The following DNAH1 variants were observed in gnomAD, a reference collection of about 807,000 sequenced individuals.
DNAH1 encodes the protein dynein axonemal heavy chain 1, also known as axonemal beta dynein heavy chain 1.
In DNAH1, 327 loss-of-function variants were observed where a neutral mutation model predicts 484.3. The observed-to-expected ratio is 0.68, with a 90% confidence interval of 0.62 to 0.74. The LOEUF (loss-of-function observed/expected upper bound fraction) is 0.74, where lower values mean the gene tolerates loss of function less well. Ranked by LOEUF, DNAH1 falls within the 30% of genes least tolerant of loss-of-function variation. DNAH1 has a pLI of 0.00. For synonymous variants in DNAH1, 2,192 were observed against 2,191.9 expected (o/e 1.00, Z 0.00); for missense variants, 5,052 against 5,546.8 (o/e 0.91, Z 2.83).
At position 52,350,606 on chromosome 3, in the gene DNAH1, G is replaced by GC; in HGVS notation, c.2729+21dup. 6.2e-7 allele frequency: 1 copy of GC among 1,612,078 alleles called. No individual in the cohort carries two copies. The highest frequency in any genetic ancestry group is 8.5e-7 in the Non-Finnish European group (1 of 1,178,874). Reference sequence around the variant, plus strand: ...TCAATGACAAGTGAGTGGGAGCTTGGCCCCCATGCCAGGTGCGGGGTGGAG... The same window carrying GC: ...TCAATGACAAGTGAGTGGGAGCTTGGCCCCCCATGCCAGGTGCGGGGTGGAG... On this transcript the variant is annotated intron_variant, in intron 16 of 77. Coordinates refer to ENST00000420323, the MANE Select transcript of DNAH1 (RefSeq NM_015512.5).
rs768408844 is a variant in DNAH1 at position 52,396,990 on chromosome 3, C to T, written c.11733C>T (p.His3911=). The change falls in exon 73 of 78, where the codon CAC becomes CAT. Residue 3911 remains histidine, a synonymous_variant. Transcript: ENST00000420323. The stretch of plus-strand genomic sequence containing the variant: ...ACCCTGACGTGCTCTCCCCTGAGCA[C>T]AGCTACAGCGCCTCGGGCATCTACC... ...FYNPDVLSPE[H]SYSASGIYHQ... is the part of the protein sequence containing the mutation. 23 of 1,612,542 alleles carry T rather than the reference C, an allele frequency of 1.4e-5. No homozygotes were observed. Among genetic ancestry groups the T allele is most frequent in the Non-Finnish European group, 1.9e-5 (22 of 1,179,420 alleles).
intron 15 of DNAH1, among the ~76,000 whole-genome samples, 168 bp downstream of exon 15, chr3:52,350,276 C>T (rs538923413): frequency 6.6e-6 from 1 of 151,792 alleles, no homozygotes; most frequent in Non-Finnish European, 1.5e-5. Flanking sequence ...GGCTTCAGAG[C>T]TCTGCTGTCT....
chr3:52,395,355 C>T lies in DNAH1; in HGVS notation c.11016C>T (p.Pro3672=), dbSNP rs1452712144. ...TCAAAGACTCCAACTCCACCACACCCCTCATCTTTGTGCTGTCACCCGGCA... is the reference window on the plus strand; with the variant it reads ...TCAAAGACTCCAACTCCACCACACCTCTCATCTTTGTGCTGTCACCCGGCA... The part of the protein sequence containing the change: ...VVFKDSNSTT[P]LIFVLSPGTD... Residue 3672 remains proline (P), a synonymous_variant, in exon 69 of 78, where the codon CCC becomes CCT. Coordinates refer to ENST00000420323, the MANE Select transcript of DNAH1 (RefSeq NM_015512.5). This position sits in a 1 kb window ranked among gnomAD's most constrained non-coding sequence, Gnocchi z 4.4. 1 of 1,613,850 alleles carries T rather than the reference C, an allele frequency of 6.2e-7. No individual in the cohort carries two copies. Among genetic ancestry groups the T allele is most frequent in the African/African-American group, 1.3e-5 (1 of 75,052 alleles).
At chr3:52,314,209 T>C (rs1373941103), upstream of DNAH1, among the ~76,000 whole-genome samples, 1 of 152,216 alleles carries the variant, frequency 6.6e-6, no homozygotes, top group Non-Finnish European at 1.5e-5. Context: ...TCAGAGGTGC[T>C]CAGAGCCTAA....
At chr3:52,366,604 G>A in intron 35 of DNAH1, 56 bp downstream of exon 35, 1 of 1,557,184 alleles carries the variant, frequency 6.4e-7, no homozygotes, top group Non-Finnish European at 8.7e-7. Flanking sequence ...GTAGGGGGGT[G>A]CAGCTTCAAC....
In DNAH1 at chr3:52,394,527, G is replaced by A. The variant is rs551397999; in HGVS notation, c.10689G>A (p.Pro3563=). 4.0e-5 allele frequency: 65 copies of A among 1,614,010 alleles called. No homozygotes were observed. Among genetic ancestry groups the A allele is most frequent in the Middle Eastern group, 1.6e-4 (1 of 6,062 alleles). Residue 3563 remains proline, a synonymous_variant, in exon 67 of 78, where the codon CCG becomes CCA. Transcript: ENST00000420323. ...CGATCATGACTGAGAATCCGGCACCGGACTGGCTGTCAGACCGGGCTTGGC... is the reference window on the plus strand; with the variant it reads ...CGATCATGACTGAGAATCCGGCACCAGACTGGCTGTCAGACCGGGCTTGGC... ...SISIMTENPA[P]DWLSDRAWRD... is the part of the protein sequence containing the mutation.
rs775453471 is a variant in DNAH1, at chr3:52,396,836, C to G, written c.11611-32C>G. On this transcript the variant is annotated intron_variant, in intron 72 of 77. Coordinates refer to ENST00000420323, the MANE Select transcript of DNAH1 (RefSeq NM_015512.5). ...AGACTGGGGCCTGGGGGACTGGGCA[C>G]TTAGGGGAGCCCTCACCCACCCACC... is the stretch of plus-strand genomic sequence containing the variant. The G allele has an allele frequency of 6.2e-6, 10 of 1,611,958 alleles. No individual in the cohort carries two copies. In the South Asian group the frequency reaches 1.1e-4, roughly 18 times the overall value.
chr3:52,388,204 C>T lies in DNAH1; in HGVS notation c.9041C>T (p.Pro3014Leu), dbSNP rs376968517. The change falls in exon 57 of 78, where the codon CCG becomes CTG. Residue 3014 changes from proline (P) to leucine (L), a missense_variant. Coordinates refer to ENST00000420323, the MANE Select transcript of DNAH1 (RefSeq NM_015512.5). ...GATGTGGTGATCAAAGCCATCCAGCCGTACATCGATAATGAAGAGTTCCAG... is the reference window on the plus strand; with the variant it reads ...GATGTGGTGATCAAAGCCATCCAGCTGTACATCGATAATGAAGAGTTCCAG... Reference protein sequence around the residue: ...IGDVVIKAIQPYIDNEEFQPA... With the variant: ...IGDVVIKAIQLYIDNEEFQPA... The T allele has an allele frequency of 3.7e-6, 6 of 1,609,676 alleles. No individual in the cohort carries two copies. The highest frequency in any genetic ancestry group is 2.7e-5 in the African/African-American group (2 of 74,862).
rs373270594 is a variant in DNAH1, at chr3:52,383,955, C to T, written c.8246C>T (p.Ala2749Val). Residue 2749 changes from alanine (A) to valine (V), a missense_variant, in exon 52 of 78, where the codon GCC becomes GTC. Ala to Val is a moderately conservative substitution (Grantham distance 64). This residue lies in a region of DNAH1 where 2,929 missense variants were observed against 3,409.4 expected (regional missense o/e 0.86). Transcript: ENST00000420323. Reference protein sequence around the residue: ...IDWFNEWPAEALKSVATVFLN... With the variant: ...IDWFNEWPAEVLKSVATVFLN... Reference sequence around the variant, plus strand: ...TGGTTTAACGAGTGGCCGGCAGAAGCCCTGAAGTCTGTGGCCACCGTGTTC... The same window carrying T: ...TGGTTTAACGAGTGGCCGGCAGAAGTCCTGAAGTCTGTGGCCACCGTGTTC... 2.5e-6 allele frequency: 4 copies of T among 1,612,610 alleles called. No individual in the cohort carries two copies. Among genetic ancestry groups the T allele is most frequent in the Admixed American group, 1.7e-5 (1 of 59,798 alleles).
intron 8 of DNAH1, 75 bp downstream of exon 8, chr3:52,332,469 A>C: frequency 6.4e-7 from 1 of 1,561,264 alleles, no homozygotes; most frequent in Non-Finnish European, 8.6e-7. Context: ...AGTTGGTGCT[A>C]CTCCAGGGTG....
chr3:52,382,591 C>G (rs1703904255), intron 50 of DNAH1, 136 bp downstream of exon 50: 4 of 1,393,918 alleles, frequency 2.9e-6, no homozygotes, highest in African/African-American at 1.4e-5. Context: ...CCACCAGGAC[C>G]AGGTGGGGCC....
At chr3:52,375,577 ATC>A (rs1703555144) in intron 45 of DNAH1, among the ~76,000 whole-genome samples, 164 bp downstream of exon 45, 1 of 152,114 alleles carries the variant, frequency 6.6e-6, no homozygotes, top group African/African-American at 2.4e-5. Flanking sequence ...CAGCTCATGA[ATC>A]TCTCTGAGCC....
Position 52,396,360 on chromosome 3 carries a change from G to A in DNAH1, c.11260-8G>A. ...GTCTCAATGCTCACGTGGAGCCATG[G>A]CCACCAGGTACACAGGGACTTCCGC... On this transcript the variant is annotated splice_polypyrimidine_tract_variant and splice_region_variant and intron_variant, in intron 70 of 77. Transcript: ENST00000420323. 1.3e-6 allele frequency: 2 copies of A among 1,567,532 alleles called. No homozygotes were observed. The highest frequency in any genetic ancestry group is 1.7e-6 in the Non-Finnish European group (2 of 1,157,058).
At chr3:52,363,605 G>A (rs1266125177) in intron 32 of DNAH1, among the ~76,000 whole-genome samples, 1 of 152,238 alleles carries the variant, frequency 6.6e-6, no homozygotes, top group Non-Finnish European at 1.5e-5. Flanking sequence ...AGGCACCAGT[G>A]CTGGTGGATG....
At chr3:52,311,503 T>C (rs1352958534), upstream of DNAH1, among the ~76,000 whole-genome samples, 2 of 152,080 alleles carry the variant, frequency 1.3e-5, no homozygotes, top group East Asian at 3.9e-4. Flanking sequence ...TCTGAGCATG[T>C]GGCCAGCAGC....
At chr3:52,372,518 C>A (rs574428816) in intron 43 of DNAH1, 131 bp downstream of exon 43, 22 of 1,275,350 alleles carry the variant, frequency 1.7e-5, no homozygotes, top group Non-Finnish European at 2.3e-5. Context: ...TGACAGCCCC[C>A]CAATGGGCCC....
At position 52,353,161 on chromosome 3, in the gene DNAH1, C is replaced by T. The variant is rs1294689242; in HGVS notation, c.3086C>T (p.Thr1029Ile). ...EFQPYLDLWT[T>I]ASDWLRWSES... ...CAACCCTACCTGGACCTTTGGACCA[C>T]AGCGTCTGACTGGCTGCGCTGGTCG... Residue 1029 changes from threonine (T) to isoleucine (I), a missense_variant, in exon 19 of 78, where the codon ACA (threonine) becomes ATA (isoleucine). Around this residue, in one of 4 missense-constraint regions of DNAH1, gnomAD observed 2,929 missense variants for 3,409.4 expected, o/e 0.86. Transcript: ENST00000420323. The surrounding 1 kb of genome is among the most constrained non-coding windows in gnomAD (Gnocchi z 5.0). 1.2e-6 allele frequency: 2 copies of T among 1,614,012 alleles called. No homozygotes were observed. Among genetic ancestry groups the T allele is most frequent in the South Asian group, 1.1e-5 (1 of 91,090 alleles).
At chr3:52,377,180 C>A (rs1703640694) in intron 46 of DNAH1, among the ~76,000 whole-genome samples, 1 of 152,138 alleles carries the variant, frequency 6.6e-6, no homozygotes, top group Admixed American at 6.5e-5. Flanking sequence ...CAGGCCAAAC[C>A]TGTCCAGAGC....
At position 52,397,861 on chromosome 3, in the gene DNAH1, G is replaced by C; in HGVS notation, c.11942G>C (p.Ser3981Thr). 6.2e-7 allele frequency: 1 copy of C among 1,605,620 alleles called. No individual in the cohort carries two copies. Among genetic ancestry groups the C allele is most frequent in the Non-Finnish European group, 8.5e-7 (1 of 1,175,318 alleles). Residue 3981 changes from serine (S) to threonine (T), a missense_variant, in exon 74 of 78, where the codon AGC becomes ACC. Physicochemically the swap from Ser to Thr is moderately conservative, Grantham distance 58. Transcript: ENST00000420323. ...QLQPKSSSAG[S>T]QGREEIVEDV... Reference sequence around the variant, plus strand: ...CAACCCAAATCATCTTCTGCAGGCAGCCAGGGCCGGGAGGAGGTGGGTGGT... The same window carrying C: ...CAACCCAAATCATCTTCTGCAGGCACCCAGGGCCGGGAGGAGGTGGGTGGT...
Sources: allele counts gnomAD v4.1 joint callset (sites outside exome capture counted in the v4.1 genomes callset), GRCh38; gene constraint gnomAD v4.1.1; regional missense constraint gnomAD v4.1.1; non-coding constraint Gnocchi (gnomAD v3.1); transcripts MANE v1.5; gene names NCBI Gene and HGNC (gene_info 2026-07-23, HGNC 2026-07-21).